The following POLR2E variants were observed in gnomAD, a reference collection of about 807,000 sequenced individuals.
The protein encoded by POLR2E is RNA polymerase II, I and III subunit E, also known as DNA-directed RNA polymerases I, II, and III subunit RPABC1.
Under a neutral mutation model 29.8 loss-of-function variants are expected in POLR2E, and 35 were observed. The observed-to-expected ratio is 1.17, with a 90% CI of 0.90 to 1.55. The LOEUF is 1.55. Ranked by LOEUF, POLR2E falls within the 40% of genes most tolerant of loss-of-function variation. POLR2E has a pLI of 0.00. For synonymous variants in POLR2E, 174 were observed against 112.6 expected, an observed-to-expected ratio of 1.55 and a Z score of -3.45; for missense variants, 287 against 288.6, an observed-to-expected ratio of 0.99 and a Z score of 0.04.
intron 6 of POLR2E, 61 bp from the exon 7 acceptor site, chr19:1,089,612 A>T: frequency 3.6e-6 from 5 of 1,405,492 alleles, no homozygotes; most frequent in Non-Finnish European, 4.0e-6. Context: ...GTCACCAGAC[A>T]GCAGGCGGGC....
intron 2 of POLR2E, 52 bp downstream of exon 2, chr19:1,093,852 C>T (rs760154411): frequency 3.4e-5 from 52 of 1,508,602 alleles, no homozygotes; most frequent in African/African-American, 1.4e-5. Context: ...ACCGGCTCCT[C>T]GGCAGGTGCT....
chr19:1,090,193 C>T, intron 4 of POLR2E, 48 bp from the exon 5 acceptor site: 1 of 1,544,026 alleles, frequency 6.5e-7, no homozygotes, highest in Non-Finnish European at 8.9e-7. Context: ...TGGTGAGACC[C>T]CACGTGGCTC....
intron 4 of POLR2E, among the ~76,000 whole-genome samples, chr19:1,090,460 ATTTTT>A (rs58876047): frequency 2.2e-5 from 2 of 90,448 alleles, no homozygotes; most frequent in African/African-American, 8.7e-5. Flanking sequence ...CGGGATCTGC[ATTTTT>A]TTTTTTTTTT....
intron 4 of POLR2E, 71 bp downstream of exon 4, chr19:1,090,837 C>G: frequency 1.5e-6 from 2 of 1,361,726 alleles, no homozygotes; most frequent in Non-Finnish European, 2.1e-6. Flanking sequence ...GATCCCACAT[C>G]TTCCTGGCCA....
Position 1,095,374 on chromosome 19 carries a change from C to T in POLR2E, c.-59G>A. On this transcript the variant is annotated 5_prime_UTR_variant, in exon 1 of 8. Coordinates refer to ENST00000615234, the MANE Select transcript of POLR2E (RefSeq NM_002695.5). Reference sequence around the variant, plus strand: ...TTCTCCGCGCGAGAACCCGCGCGGACTGCGCCTGCGCCGAATCCGAATCAG... The same window carrying T: ...TTCTCCGCGCGAGAACCCGCGCGGATTGCGCCTGCGCCGAATCCGAATCAG... 6.2e-7 allele frequency: 1 copy of T among 1,600,320 alleles called. No individual in the cohort carries two copies. The highest frequency in any genetic ancestry group is 1.3e-5 in the African/African-American group (1 of 74,564).
intron 4 of POLR2E, among the ~76,000 whole-genome samples, chr19:1,090,412 A>G (rs1455445492): frequency 2.3e-5 from 3 of 131,292 alleles, no homozygotes; most frequent in Admixed American, 8.0e-5. Context: ...GTCCCTCCAC[A>G]CTCCCAGCAG....
intron 7 of POLR2E, among the ~76,000 whole-genome samples, 171 bp downstream of exon 7, chr19:1,089,301 G>A (rs1202747951): frequency 5.9e-5 from 9 of 152,142 alleles, no homozygotes; most frequent in Non-Finnish European, 1.2e-4. Context: ...GCCTACGGTC[G>A]GGTGGGGTCT....
chr19:1,091,494 T>C, intron 3 of POLR2E: 1 of 451,904 alleles, frequency 2.2e-6, no homozygotes, highest in Non-Finnish European at 4.1e-6. Flanking sequence ...AACCTCCGGC[T>C]CCTGGAATCT....
At position 1,091,111 on chromosome 19, in the gene POLR2E, G is replaced by A. The variant is rs2043819419; in HGVS notation, c.349-123C>T. ...AACAACACACCCACGTCGTGAATCAGAAAACCCCACCGCCAGCCCAGGAGC... is the reference window on the plus strand; with the variant it reads ...AACAACACACCCACGTCGTGAATCAAAAAACCCCACCGCCAGCCCAGGAGC... On this transcript the variant is annotated intron_variant, in intron 3 of 7. Coordinates refer to ENST00000615234, the MANE Select transcript of POLR2E (RefSeq NM_002695.5). 4.0e-6 allele frequency: 3 copies of A among 749,456 alleles called. 1 individual carries two copies. Among genetic ancestry groups the A allele is most frequent in the South Asian group, 3.4e-5 (2 of 58,014 alleles). The allele number at this position is 749,456 out of a possible 1,614,324, so 46.4% of individuals were successfully genotyped here.
chr19:1,095,316 G>C lies in POLR2E; in HGVS notation c.-1C>G. The C allele has an allele frequency of 6.2e-7, 1 of 1,612,532 alleles. No individual in the cohort carries two copies. Among genetic ancestry groups the C allele is most frequent in the Non-Finnish European group, 8.5e-7 (1 of 1,179,646 alleles). ...GGTACGTCTCCTCCTCGTCGTCCAT[G>C]GCAGCCTCCGCCGCCGCCGCCGCTC... On this transcript the variant is annotated 5_prime_UTR_variant, in exon 1 of 8. Transcript: ENST00000615234.
intron 4 of POLR2E, 122 bp downstream of exon 4, chr19:1,090,786 T>C: frequency 1.2e-6 from 1 of 806,086 alleles, no homozygotes; most frequent in Non-Finnish European, 1.9e-6. Context: ...TTGAGAACCC[T>C]GTCCTCCATG....
In POLR2E at chr19:1,089,462, G is replaced by A; in HGVS notation, c.*14+10C>T. ...ACCCCACCTCAGTGCCTGTCCCTCG[G>A]CCGTCTCACCTGTCAGGCGGTAGCT... On this transcript the variant is annotated intron_variant, in intron 7 of 7. Coordinates refer to ENST00000615234, the MANE Select transcript of POLR2E (RefSeq NM_002695.5). The A allele has an allele frequency of 6.3e-7, 1 of 1,597,458 alleles. No homozygotes were observed.
In POLR2E at chr19:1,089,571, G is replaced by C. The variant is rs1367094694; in HGVS notation, c.568-20C>G. 6.2e-7 allele frequency: 1 copy of C among 1,609,864 alleles called. No individual in the cohort carries two copies. The highest frequency in any genetic ancestry group is 1.3e-5 in the African/African-American group (1 of 74,824). On this transcript the variant is annotated intron_variant, in intron 6 of 7. Coordinates refer to ENST00000615234, the MANE Select transcript of POLR2E (RefSeq NM_002695.5). ...CACCACCTGCAGAGACAGAGAGCAG[G>C]GGCTGCGAATGCTTGAGGGGTCTCA...
In POLR2E at chr19:1,091,738, C is replaced by A. The variant is rs1378452767; in HGVS notation, c.348+54G>T. 1.8e-5 allele frequency: 18 copies of A among 1,015,658 alleles called. No individual in the cohort carries two copies. The Admixed American group carries it at 2.9e-4, about 16-fold the overall frequency. 62.9% of individuals were successfully genotyped at this position (1,015,658 alleles called of 1,614,324 possible). ...GTGGGCCGCCTGTGGGTACTGCTTG[C>A]GGGAGGAGGCTGGGGAGGGGGAGAG... On this transcript the variant is annotated intron_variant, in intron 3 of 7. Transcript: ENST00000615234.
rs866719338 is a variant in POLR2E, at chr19:1,092,837, C to T, written c.233-930G>A. Among the ~76,000 whole-genome samples, 10 of 145,770 alleles carry T rather than the reference C, an allele frequency of 6.9e-5. No homozygotes were observed. The East Asian group carries it at 1.0e-3, about 15-fold the overall frequency. On this transcript the variant is annotated intron_variant, in intron 2 of 7. Transcript: ENST00000615234. ...TGGAGGTTGCAGTGAGCTGAGATTG[C>T]GCCACTGCACACTCCAGCCTGGGTG...
At position 1,089,482 on chromosome 19, in the gene POLR2E, G is replaced by A. The variant is rs1222141465; in HGVS notation, c.*4C>T. ...CCTCGGCCGTCTCACCTGTCAGGCG[G>A]TAGCTACTGCACCAGCCGGTAGGTG... On this transcript the variant is annotated 3_prime_UTR_variant, in exon 7 of 8. Coordinates refer to ENST00000615234, the MANE Select transcript of POLR2E (RefSeq NM_002695.5). 6.2e-7 allele frequency: 1 copy of A among 1,612,094 alleles called. No homozygotes were observed.
chr19:1,091,466 C>T, intron 3 of POLR2E: 1 of 404,852 alleles, frequency 2.5e-6, no homozygotes. Context: ...TCCCCCTGGA[C>T]ATCAGCTCAG....
intron 1 of POLR2E, chr19:1,094,924 C>G (rs934368791): frequency 2.5e-6 from 1 of 401,488 alleles, no homozygotes; most frequent in Non-Finnish European, 4.5e-6. Flanking sequence ...AATAGCGACG[C>G]TGAATCACAG....
rs148984381 is a variant in POLR2E, at chr19:1,091,839, G to A, written c.301C>T (p.Arg101Trp). The A allele has an allele frequency of 2.3e-5, 37 of 1,612,996 alleles. No homozygotes were observed. In the African/African-American group the frequency reaches 3.7e-4, roughly 16 times the overall value. The stretch of plus-strand genomic sequence containing the variant: ...CCCTGCTGCACCACGATGAGAGCCC[G>A]TGTGATGTTCTCCTCCTGCATGCGC... ...CQRMQEENIT[R>W]ALIVVQQGMT... Residue 101 changes from arginine (R) to tryptophan (W), a missense_variant, in exon 3 of 8, where the codon CGG becomes TGG. Transcript: ENST00000615234.
Sources: gnomAD v4.1 joint callset for allele counts (sites outside exome capture counted in the v4.1 genomes callset) on GRCh38, gnomAD v4.1.1 for gene constraint, MANE v1.5 for transcripts, NCBI Gene and HGNC (gene_info 2026-07-23, HGNC 2026-07-21) for gene names.